The following SYNC variants were observed in gnomAD, a reference collection of about 807,000 sequenced individuals.
SYNC encodes the protein syncoilin, intermediate filament protein.
Under a neutral mutation model 49.5 loss-of-function variants are expected in SYNC, and 38 were observed. That is an observed-to-expected ratio of 0.77 (90% CI 0.59 to 1.01). The LOEUF (loss-of-function observed/expected upper bound fraction) is 1.01, where lower values mean the gene tolerates loss of function less well. Ranked by LOEUF, SYNC falls within the 50% of genes least tolerant of loss-of-function variation. SYNC has a pLI of 0.00. For synonymous variants in SYNC, 201 were observed against 230.8 expected (o/e 0.87, Z 1.17); for missense variants, 579 against 580.6 (o/e 1.00, Z 0.03).
chr1:32,691,469 C>G (rs796823666), intron 2 of SYNC, among the ~76,000 whole-genome samples: 2 of 151,502 alleles, frequency 1.3e-5, no homozygotes, highest in African/African-American at 4.8e-5. Flanking sequence ...AGGAAAATTG[C>G]TTGAACCTGG....
At chr1:32,687,994 C>T (rs979775420) in intron 2 of SYNC, among the ~76,000 whole-genome samples, 2 of 151,702 alleles carry the variant, frequency 1.3e-5, no homozygotes, top group Non-Finnish European at 2.9e-5. Flanking sequence ...GGACTACAGG[C>T]GGCCTAATTT....
At position 32,694,949 on chromosome 1, in the gene SYNC, C is replaced by T; in HGVS notation, c.1149G>A (p.Arg383=). Residue 383 remains arginine, a synonymous_variant, in exon 2 of 5, where the codon CGG becomes CGA. Coordinates refer to ENST00000409190, the MANE Select transcript of SYNC (RefSeq NM_030786.3). The part of the protein sequence containing the change: ...EALRPLQAEA[R]QLRLQNRNLE... The stretch of plus-strand genomic sequence containing the variant: ...GGTTCCTGTTTTGCAGGCGGAGCTG[C>T]CGGGCCTCTGCTTGCAGGGGTCTCA... 1.9e-6 allele frequency: 3 copies of T among 1,613,982 alleles called. No homozygotes were observed. The highest frequency in any genetic ancestry group is 2.5e-6 in the Non-Finnish European group (3 of 1,180,012).
intron 1 of SYNC, among the ~76,000 whole-genome samples, chr1:32,697,513 C>A (rs187363860): frequency 6.6e-6 from 1 of 151,334 alleles, no homozygotes; most frequent in African/African-American, 2.4e-5. Flanking sequence ...GAGGCCAAGA[C>A]CTCTTGAGTC....
At position 32,680,009 on chromosome 1, in the gene SYNC, G is replaced by A. The variant is rs144062064; in HGVS notation, c.*1841C>T. 1.2e-3 allele frequency: 1,389 copies of A among 1,139,754 alleles called. 18 individuals carry two copies. In the African/African-American group the frequency reaches 0.02, roughly 17 times the overall value. The allele number at this position is 1,139,754 out of a possible 1,614,324, so 70.6% of individuals were successfully genotyped here. ...TTTTCTTCTTATGCTATATCCCCAAGTTTTTCAGACTCATTTAAGTAAAGG... is the reference window on the plus strand; with the variant it reads ...TTTTCTTCTTATGCTATATCCCCAAATTTTTCAGACTCATTTAAGTAAAGG... On this transcript the variant is annotated 3_prime_UTR_variant, in exon 5 of 5. Transcript: ENST00000409190.
At chr1:32,684,990 C>G (rs1649722021) in intron 2 of SYNC, 1 of 151,608 alleles carries the variant, frequency 6.6e-6, no homozygotes, top group Non-Finnish European at 1.5e-5. Flanking sequence ...GTTGGCTATC[C>G]TATTGCTAAT....
chr1:32,698,842 A>C (rs1650553551), intron 1 of SYNC, among the ~76,000 whole-genome samples: 1 of 145,950 alleles, frequency 6.9e-6, no homozygotes, highest in African/African-American at 2.5e-5. Context: ...GTACTGTGGC[A>C]TGATCATAGC....
At chr1:32,689,382 G>T (rs1045713355) in intron 2 of SYNC, among the ~76,000 whole-genome samples, 1 of 151,170 alleles carries the variant, frequency 6.6e-6, no homozygotes, top group African/African-American at 2.4e-5. Context: ...GGGATTACAG[G>T]TGCCTACCAC....
At chr1:32,696,075 C>T (rs746363730) in intron 1 of SYNC, 31 bp from the exon 2 acceptor site, 1 of 1,512,812 alleles carries the variant, frequency 6.6e-7, no homozygotes, top group Admixed American at 2.0e-5. Flanking sequence ...AGTGAAAGGG[C>T]AGCCACAATC....
chr1:32,680,188 A>C lies in SYNC; in HGVS notation c.*1662T>G, dbSNP rs1353844444. Reference sequence around the variant, plus strand: ...CTTGACACCTGACTTTCCAGGATGCACATTTTCATACGTAGACCAGTTTCC... The same window carrying C: ...CTTGACACCTGACTTTCCAGGATGCCCATTTTCATACGTAGACCAGTTTCC... On this transcript the variant is annotated 3_prime_UTR_variant, in exon 5 of 5. Coordinates refer to ENST00000409190, the MANE Select transcript of SYNC (RefSeq NM_030786.3). The C allele has an allele frequency of 1.8e-6, 2 of 1,096,648 alleles. No homozygotes were observed. The allele number at this position is 1,096,648 out of a possible 1,614,324, so 67.9% of individuals were successfully genotyped here. A position where few individuals can be genotyped will look rare whatever the true frequency, so the allele number is the denominator to read the frequency against.
chr1:32,694,679 C>T (rs1249965039), intron 2 of SYNC, among the ~76,000 whole-genome samples, 186 bp downstream of exon 2: 1 of 151,632 alleles, frequency 6.6e-6, no homozygotes, highest in Non-Finnish European at 1.5e-5. Context: ...AAAAACAGTG[C>T]AGATAACTTC....
chr1:32,687,855 A>ATTATTATTATTATTTT (rs71006359), intron 2 of SYNC, among the ~76,000 whole-genome samples: 2 of 135,516 alleles, frequency 1.5e-5, no homozygotes, highest in African/African-American at 5.5e-5. Context: ...TATTATTATT[A>ATTATTATTATTATTTT]TTATTATTTT....
Position 32,695,464 on chromosome 1 carries a change from G to A in SYNC, c.634C>T (p.Gln212Ter). The stretch of plus-strand genomic sequence containing the variant: ...GCCAGGATGTCTTGATGGACTTGCT[G>A]TACCTCCTGCAGGGCTGGTTCCCGG... ...LLREPALQEV[Q>*]QVHQDILAAY... The change falls in exon 2 of 5, where the codon CAG becomes TAG. Residue 212 changes from glutamine (Q) to a stop codon, truncating the protein, a stop_gained. Transcript: ENST00000409190. LOFTEE classifies it high-confidence loss of function. 1 of 1,551,446 alleles carries A rather than the reference G, an allele frequency of 6.4e-7. No homozygotes were observed. The highest frequency in any genetic ancestry group is 8.7e-7 in the Non-Finnish European group (1 of 1,146,980).
intron 2 of SYNC, among the ~76,000 whole-genome samples, chr1:32,693,555 T>C (rs182813260): frequency 1.2e-3 from 188 of 152,332 alleles, no homozygotes; most frequent in Non-Finnish European, 2.4e-3. Flanking sequence ...ATTAAAGTAC[T>C]GCTTAGAGCA....
chr1:32,695,703 C>T lies in SYNC; in HGVS notation c.395G>A (p.Ser132Asn). ...TCCCTCATAAACAACGTGCTCTGGG[C>T]TTGTGGGCTTTCCTGGCTCCACGGG... ...EGPVEPGKPT[S>N]PEHVVYEGET... Residue 132 changes from serine (S) to asparagine (N), a missense_variant, in exon 2 of 5, where the codon AGC becomes AAC. Ser to Asn is a conservative substitution (Grantham distance 46, BLOSUM62 1). Coordinates refer to ENST00000409190, the MANE Select transcript of SYNC (RefSeq NM_030786.3). The T allele has an allele frequency of 1.3e-6, 2 of 1,551,606 alleles. No individual in the cohort carries two copies. The highest frequency in any genetic ancestry group is 1.7e-6 in the Non-Finnish European group (2 of 1,147,004).
chr1:32,695,652 G>A lies in SYNC; in HGVS notation c.446C>T (p.Ser149Phe), dbSNP rs1463644014. The A allele has an allele frequency of 1.9e-6, 3 of 1,551,516 alleles. No individual in the cohort carries two copies. Among genetic ancestry groups the A allele is most frequent in the Admixed American group, 3.9e-5 (2 of 50,922 alleles). The change falls in exon 2 of 5, where the codon TCT becomes TTT. Residue 149 changes from serine to phenylalanine, a missense_variant. By Grantham distance (155) the Ser-to-Phe change is radical. Transcript: ENST00000409190. ...EGETVTRAEK[S>F]NPEESLRAEQ... ...GGCTCTGAGGCTCTCCTCAGGGTTA[G>A]ATTTCTCCGCCCTTGTGACTGTCTC...
rs1309511866 is a variant in SYNC at position 32,680,438 on chromosome 1, A to T, written c.*1412T>A. ...TACCTGACAGTTATACCACAGGTAGACTGTCAAGTTGAGAAGAGTGAATCA... is the reference window on the plus strand; with the variant it reads ...TACCTGACAGTTATACCACAGGTAGTCTGTCAAGTTGAGAAGAGTGAATCA... On this transcript the variant is annotated 3_prime_UTR_variant, in exon 5 of 5. Coordinates refer to ENST00000409190, the MANE Select transcript of SYNC (RefSeq NM_030786.3). The T allele has an allele frequency of 6.7e-7, 1 of 1,482,328 alleles. No homozygotes were observed. Among genetic ancestry groups the T allele is most frequent in the East Asian group, 2.6e-5 (1 of 37,850 alleles). 91.8% of individuals were successfully genotyped at this position (1,482,328 alleles called of 1,614,324 possible). A position where few individuals can be genotyped will look rare whatever the true frequency, so the allele number is the denominator to read the frequency against.
At chr1:32,698,073 C>T (rs1313627528) in intron 1 of SYNC, among the ~76,000 whole-genome samples, 5 of 150,716 alleles carry the variant, frequency 3.3e-5, no homozygotes, top group African/African-American at 9.8e-5. Flanking sequence ...AAATACAAAA[C>T]TTAGCAGGGC....
At position 32,680,183 on chromosome 1, in the gene SYNC, G is replaced by T. The variant is rs748968329; in HGVS notation, c.*1667C>A. The T allele has an allele frequency of 1.2e-5, 13 of 1,094,680 alleles. No individual in the cohort carries two copies. Among genetic ancestry groups the T allele is most frequent in the Non-Finnish European group, 1.4e-5 (13 of 900,684 alleles). 67.8% of individuals were successfully genotyped at this position (1,094,680 alleles called of 1,614,324 possible). On this transcript the variant is annotated 3_prime_UTR_variant, in exon 5 of 5. Coordinates refer to ENST00000409190, the MANE Select transcript of SYNC (RefSeq NM_030786.3). ...AAAATCTTGACACCTGACTTTCCAG[G>T]ATGCACATTTTCATACGTAGACCAG...
rs145251079 is a variant in SYNC, at chr1:32,694,078, A to G, written c.1233+787T>C. Among the ~76,000 whole-genome samples, 16 of 152,026 alleles carry G rather than the reference A, an allele frequency of 1.1e-4. No homozygotes were observed. In the East Asian group the frequency reaches 2.9e-3, roughly 28 times the overall value. On this transcript the variant is annotated intron_variant, in intron 2 of 4. Transcript: ENST00000409190. ...GTGGTGAAACCCTGTCTCTACAAAA[A>G]ATTAGCCAGGTATGGTGGCACACAC...
Sources: allele counts gnomAD v4.1 joint callset (sites outside exome capture counted in the v4.1 genomes callset), GRCh38; gene constraint gnomAD v4.1.1; transcripts MANE v1.5; gene names NCBI Gene and HGNC (gene_info 2026-07-23, HGNC 2026-07-21).